The following CKAP5 variants were observed in gnomAD, a reference collection of about 807,000 sequenced individuals.
The protein encoded by CKAP5 is cytoskeleton-associated protein 5.
CKAP5 carries 27 observed loss-of-function variants against 232.8 expected under a neutral mutation model. That is an observed-to-expected ratio of 0.12 (90% CI 0.09 to 0.16). The LOEUF (loss-of-function observed/expected upper bound fraction) is 0.16, where lower values mean the gene tolerates loss of function less well. CKAP5 is among the 10% of genes least tolerant of loss of function. The pLI is 1.00. For missense variants in CKAP5, 1,838 were observed against 2,424.7 expected (o/e 0.76, Z 5.08); for synonymous variants, 785 against 841.1 (o/e 0.93, Z 1.16).
At position 46,743,880 on chromosome 11, in the gene CKAP5, C is replaced by T. The variant is rs2065002934; in HGVS notation, c.*143G>A. 3.0e-6 allele frequency: 3 copies of T among 990,374 alleles called. No homozygotes were observed. The highest frequency in any genetic ancestry group is 1.6e-5 in the African/African-American group (1 of 61,996). 61.3% of individuals were successfully genotyped at this position (990,374 alleles called of 1,614,324 possible). A position where few individuals can be genotyped will look rare whatever the true frequency, so the allele number is the denominator to read the frequency against. On this transcript the variant is annotated 3_prime_UTR_variant, in exon 44 of 44. Coordinates refer to ENST00000529230, the MANE Select transcript of CKAP5 (RefSeq NM_001008938.4). ...AGCAGAGTATGTACAAATACTTGTG[C>T]CACAATGACTCCTCCCCCTAGCTCC...
chr11:46,762,211 C>T lies in CKAP5; in HGVS notation c.4028-18G>A. On this transcript the variant is annotated intron_variant, in intron 31 of 43. Transcript: ENST00000529230. The stretch of plus-strand genomic sequence containing the variant: ...CAGGCACTCTGATGGGGGAGAAAGG[C>T]TAGATTAATGAGACAACACATATTT... 6.2e-7 allele frequency: 1 copy of T among 1,609,336 alleles called. No homozygotes were observed. Among genetic ancestry groups the T allele is most frequent in the African/African-American group, 1.3e-5 (1 of 74,946 alleles).
chr11:46,780,520 T>C (rs527974104), intron 18 of CKAP5, 35 bp from the exon 19 acceptor site: 2 of 1,570,946 alleles, frequency 1.3e-6, no homozygotes, highest in South Asian at 1.1e-5. Flanking sequence ...AGCAAACAAA[T>C]GAAACCCTCA....
intron 34 of CKAP5, 84 bp downstream of exon 34, chr11:46,759,185 A>G: frequency 6.6e-7 from 1 of 1,515,770 alleles, no homozygotes. Context: ...AAAAGTTTTA[A>G]CTGCACATTA....
Position 46,836,134 on chromosome 11 carries a change from G to A in CKAP5, c.-38+10086C>T, listed in dbSNP as rs775485002. Among the ~76,000 whole-genome samples, 4 of 152,198 alleles carry A rather than the reference G, an allele frequency of 2.6e-5. No homozygotes were observed. In the South Asian group the frequency reaches 6.2e-4, roughly 24 times the overall value. The stretch of plus-strand genomic sequence containing the variant: ...AGAGAAGGCTAATAGAGATGACCAC[G>A]AAGTGCAATATGTTACCCTGAATTG... On this transcript the variant is annotated intron_variant, in intron 1 of 43. Coordinates refer to ENST00000529230, the MANE Select transcript of CKAP5 (RefSeq NM_001008938.4).
At chr11:46,786,810 C>G (rs926130229) in intron 16 of CKAP5, among the ~76,000 whole-genome samples, 1 of 152,174 alleles carries the variant, frequency 6.6e-6, no homozygotes, top group South Asian at 2.1e-4. Flanking sequence ...CATGACCCAG[C>G]GCGCACACAC....
intron 27 of CKAP5, 23 bp downstream of exon 27, chr11:46,767,552 C>G (rs777638907): frequency 1.4e-6 from 2 of 1,472,244 alleles, no homozygotes; most frequent in Non-Finnish European, 1.9e-6. Context: ...AAGTCTACAT[C>G]GAAGTATACA....
In CKAP5 at chr11:46,784,584, A is replaced by C. The variant is rs1175572762; in HGVS notation, c.2058T>G (p.Leu686=). 2 of 1,614,078 alleles carry C rather than the reference A, an allele frequency of 1.2e-6. No homozygotes were observed. Among genetic ancestry groups the C allele is most frequent in the Non-Finnish European group, 1.7e-6 (2 of 1,179,962 alleles). Residue 686 remains leucine, a synonymous_variant, in exon 17 of 44, where the codon CTT becomes CTG. Transcript: ENST00000529230. ...ATTTCACATCTCCAATCTTGTCCACAAGGCCATCTAATACAACCTGAGCTG... is the reference window on the plus strand; with the variant it reads ...ATTTCACATCTCCAATCTTGTCCACCAGGCCATCTAATACAACCTGAGCTG... ...KTSAQVVLDG[L]VDKIGDVKCG...
chr11:46,845,783 G>C (rs1378810422), intron 1 of CKAP5, among the ~76,000 whole-genome samples: 1 of 152,188 alleles, frequency 6.6e-6, no homozygotes, highest in East Asian at 1.9e-4. Flanking sequence ...GCTCCAGGGC[G>C]ACAAGGCCCT....
chr11:46,767,987 G>T (rs1406571076), intron 26 of CKAP5, among the ~76,000 whole-genome samples: 1 of 151,884 alleles, frequency 6.6e-6, no homozygotes, highest in South Asian at 2.1e-4. Flanking sequence ...GTGGAGACAG[G>T]GTTTCGCCAT....
In CKAP5 at chr11:46,744,418, A is replaced by G; in HGVS notation, c.5856+8T>C. 6.2e-7 allele frequency: 1 copy of G among 1,614,100 alleles called. No individual in the cohort carries two copies. The highest frequency in any genetic ancestry group is 8.5e-7 in the Non-Finnish European group (1 of 1,180,024). On this transcript the variant is annotated splice_region_variant and intron_variant, in intron 43 of 43. Transcript: ENST00000529230. ...TCCCTGAACTGCACAGAAGAAAAGG[A>G]GCAGTACCTTTGTGTTGTCCAGACC...
intron 1 of CKAP5, among the ~76,000 whole-genome samples, chr11:46,840,437 A>G (rs890964781): frequency 6.6e-6 from 1 of 152,240 alleles, no homozygotes; most frequent in South Asian, 2.1e-4. Context: ...ACCCCATTAA[A>G]GGAGCATAAG....
chr11:46,753,594 A>T lies in CKAP5; in HGVS notation c.4870-97T>A, dbSNP rs536183501. The T allele has an allele frequency of 5.6e-6, 5 of 896,958 alleles. No homozygotes were observed. The East Asian group carries it at 1.2e-4, about 22-fold the overall frequency. 55.6% of individuals were successfully genotyped at this position (896,958 alleles called of 1,614,324 possible). A position where few individuals can be genotyped will look rare whatever the true frequency, so the allele number is the denominator to read the frequency against. On this transcript the variant is annotated intron_variant, in intron 36 of 43. Transcript: ENST00000529230. ...TCTGATAAATATTCAATTATGTTGT[A>T]TTTTTTTTTTGAGACGGAGTCTCCT...
chr11:46,842,884 G>A (rs1592496472), intron 1 of CKAP5, among the ~76,000 whole-genome samples: 1 of 149,232 alleles, frequency 6.7e-6, no homozygotes, highest in Non-Finnish European at 1.5e-5. Flanking sequence ...GGAGAATGGC[G>A]TGAACCTGGG....
At chr11:46,807,607 CTGTT>C (rs1939186585) in intron 8 of CKAP5, among the ~76,000 whole-genome samples, 1 of 152,222 alleles carries the variant, frequency 6.6e-6, no homozygotes, top group Admixed American at 6.5e-5. Flanking sequence ...TAGTACTTGT[CTGTT>C]TCAGAACTGA....
chr11:46,777,024 G>A (rs1228756650), intron 23 of CKAP5, among the ~76,000 whole-genome samples: 6 of 152,028 alleles, frequency 3.9e-5, no homozygotes, highest in Non-Finnish European at 8.8e-5. Flanking sequence ...AATAAAAGTA[G>A]AAAATAACTT....
At chr11:46,802,266 C>T (rs889512389) in intron 8 of CKAP5, 1 of 152,242 alleles carries the variant, frequency 6.6e-6, no homozygotes, top group African/African-American at 2.4e-5. Flanking sequence ...CTTATCTAAA[C>T]TCACGGGTAG....
intron 16 of CKAP5, 151 bp from the exon 17 acceptor site, chr11:46,784,824 T>C: frequency 3.7e-6 from 2 of 541,718 alleles, no homozygotes; most frequent in East Asian, 3.0e-5. Flanking sequence ...ATATGCAAAA[T>C]AATTTGTATC....
At chr11:46,750,136 A>C in intron 42 of CKAP5, 138 bp downstream of exon 42, 2 of 747,152 alleles carry the variant, frequency 2.7e-6, no homozygotes, top group Non-Finnish European at 4.4e-6. Flanking sequence ...TGACCACTGG[A>C]TATAGCAATG....
intron 20 of CKAP5, 80 bp from the exon 21 acceptor site, chr11:46,778,679 C>A: frequency 8.4e-7 from 1 of 1,189,098 alleles, no homozygotes; most frequent in South Asian, 1.3e-5. Context: ...GTGCCTGTGT[C>A]AAACTCTCAT....
Sources: allele counts gnomAD v4.1 joint callset (sites outside exome capture counted in the v4.1 genomes callset), GRCh38; gene constraint gnomAD v4.1.1; transcripts MANE v1.5; gene names NCBI Gene and HGNC (gene_info 2026-07-23, HGNC 2026-07-21).